Variants in AGBL3 observed in about 807,000 individuals in gnomAD.
The protein encoded by AGBL3 is AGBL carboxypeptidase 3, also known as cytosolic carboxypeptidase 3.
AGBL3 carries 68 observed loss-of-function variants against 94.5 expected under a neutral mutation model. The observed-to-expected ratio is 0.72, with a 90% CI of 0.59 to 0.88. The LOEUF is 0.88. Ranked by LOEUF, AGBL3 falls within the 40% of genes least tolerant of loss-of-function variation. The pLI is 0.00. For synonymous variants in AGBL3, 354 were observed against 370.7 expected, an observed-to-expected ratio of 0.95 and a Z score of 0.52; for missense variants, 934 against 1,103.8, an observed-to-expected ratio of 0.85 and a Z score of 2.18.
intron 15 of AGBL3, among the ~76,000 whole-genome samples, chr7:135,107,099 T>C (rs1336636216): frequency 6.6e-6 from 1 of 152,166 alleles, no homozygotes. Context: ...ATCTTCTCTC[T>C]TTTCTTCTTT....
At chr7:135,061,457 G>A (rs923535921) in intron 12 of AGBL3, among the ~76,000 whole-genome samples, 1 of 151,984 alleles carries the variant, frequency 6.6e-6, no homozygotes, top group Non-Finnish European at 1.5e-5. Context: ...CCAAAAAAAT[G>A]ATTGCCCAGA....
At chr7:134,996,328 A>C (rs1333885193) in intron 4 of AGBL3, among the ~76,000 whole-genome samples, 3 of 152,176 alleles carry the variant, frequency 2.0e-5, no homozygotes, top group African/African-American at 7.2e-5. Flanking sequence ...TCATGACATC[A>C]AGCCAGGCTG....
At chr7:135,067,965 T>A (rs1451317907) in intron 12 of AGBL3, among the ~76,000 whole-genome samples, 1 of 152,180 alleles carries the variant, frequency 6.6e-6, no homozygotes, top group Admixed American at 6.5e-5. Context: ...TTCGAACCCA[T>A]GGCAAAGAAG....
intron 8 of AGBL3, among the ~76,000 whole-genome samples, chr7:135,040,306 A>C (rs1209469283): frequency 6.6e-6 from 1 of 152,186 alleles, no homozygotes; most frequent in African/African-American, 2.4e-5. Flanking sequence ...ACACAAGACA[A>C]ACATAGTACA....
chr7:135,110,296 C>T (rs1825435482), intron 15 of AGBL3, among the ~76,000 whole-genome samples: 1 of 152,206 alleles, frequency 6.6e-6, no homozygotes, highest in Non-Finnish European at 1.5e-5. Context: ...TGCTCAGCCC[C>T]CTGGATTCAG....
chr7:135,063,509 A>C (rs1307862028), intron 12 of AGBL3, among the ~76,000 whole-genome samples: 3 of 151,418 alleles, frequency 2.0e-5, no homozygotes, highest in Non-Finnish European at 4.4e-5. Context: ...GTAGGTGTTT[A>C]TTGATATGAA....
rs146909058 is a variant in AGBL3, at chr7:135,059,309, CAA to C, written c.1908+81_1908+82del. 813 of 874,958 alleles carry C rather than the reference CAA, an allele frequency of 9.3e-4. 3 individuals are homozygous for C. In the African/African-American group the frequency reaches 0.012, roughly 13 times the overall value. The allele number at this position is 874,958 out of a possible 1,614,324, so 54.2% of individuals were successfully genotyped here. On this transcript the variant is annotated intron_variant, in intron 12 of 16. Transcript: ENST00000436302. Reference sequence around the variant, plus strand: ...GTTCTTATTGTGACTAATAATCAGGCAAAAAAAATTGCAGATATGTAATTATT... The same window carrying C: ...GTTCTTATTGTGACTAATAATCAGGCAAAAAATTGCAGATATGTAATTATT...
In AGBL3 at chr7:135,135,165, G is replaced by C. The variant is rs1350188768; in HGVS notation, c.2667G>C (p.Lys889Asn). The change falls in exon 17 of 17, where the codon AAG becomes AAC. Residue 889 changes from lysine to asparagine, a missense_variant. Physicochemically the swap from Lys to Asn is moderately conservative, Grantham distance 94. Transcript: ENST00000436302. ...QAEETNQQSS[K>N]HTALHLTKNK... The stretch of plus-strand genomic sequence containing the variant: ...AAGAAACTAACCAGCAAAGCTCTAA[G>C]CATACAGCCCTCCATCTAACTAAAA... 1 of 1,551,044 alleles carries C rather than the reference G, an allele frequency of 6.4e-7. No homozygotes were observed. The highest frequency in any genetic ancestry group is 1.4e-5 in the African/African-American group (1 of 73,114).
chr7:135,021,842 G>A (rs542103675), intron 5 of AGBL3, among the ~76,000 whole-genome samples: 16 of 151,890 alleles, frequency 1.1e-4, no homozygotes, highest in East Asian at 1.9e-4. Flanking sequence ...GAGAGGCCCC[G>A]GTATGTGTTG....
chr7:135,057,019 TA>T (rs757849611), intron 11 of AGBL3, among the ~76,000 whole-genome samples: 27 of 152,066 alleles, frequency 1.8e-4, no homozygotes, highest in Non-Finnish European at 2.9e-4. Flanking sequence ...AGTGCAGTAC[TA>T]GAGAAAGAAC....
chr7:135,060,203 C>G (rs1007565562), intron 12 of AGBL3, among the ~76,000 whole-genome samples: 4 of 152,226 alleles, frequency 2.6e-5, no homozygotes, highest in African/African-American at 9.6e-5. Context: ...CAAACTATCA[C>G]TTGAGACAGT....
At chr7:135,090,210 A>C (rs988910044) in intron 15 of AGBL3, among the ~76,000 whole-genome samples, 6 of 152,088 alleles carry the variant, frequency 3.9e-5, no homozygotes, top group Non-Finnish European at 8.8e-5. Context: ...TCAGTATATC[A>C]CAGACTCTGT....
At chr7:135,021,022 C>T (rs1390456801) in intron 5 of AGBL3, among the ~76,000 whole-genome samples, 2 of 148,246 alleles carry the variant, frequency 1.3e-5, no homozygotes, top group African/African-American at 2.5e-5. Flanking sequence ...CAAACCTGCA[C>T]GTTATGCACA....
chr7:135,019,597 C>T (rs1005793819), intron 5 of AGBL3, among the ~76,000 whole-genome samples: 12 of 152,022 alleles, frequency 7.9e-5, no homozygotes, highest in African/African-American at 2.9e-4. Flanking sequence ...AGACTATCCT[C>T]GCATTGCCAA....
rs1817131756 is a variant in AGBL3 at position 135,044,163 on chromosome 7, G to A, written c.1627+12G>A. On this transcript the variant is annotated intron_variant, in intron 9 of 16. Transcript: ENST00000436302. The stretch of plus-strand genomic sequence containing the variant: ...TGGATCTACTCTGGGTAAGACCAAG[G>A]GTTCTCATTCACAGCTCTCAAAGCT... 2.1e-5 allele frequency: 32 copies of A among 1,541,964 alleles called. No homozygotes were observed. Among genetic ancestry groups the A allele is most frequent in the Non-Finnish European group, 2.8e-5 (32 of 1,141,842 alleles).
intron 12 of AGBL3, among the ~76,000 whole-genome samples, chr7:135,066,801 C>T (rs777388583): frequency 2.9e-4 from 44 of 152,116 alleles, no homozygotes; most frequent in Non-Finnish European, 5.0e-4. Context: ...TCTACAGTTC[C>T]CAGTGTGAGC....
At chr7:135,038,158 T>A (rs1298167955) in intron 8 of AGBL3, among the ~76,000 whole-genome samples, 1 of 152,178 alleles carries the variant, frequency 6.6e-6, no homozygotes, top group Non-Finnish European at 1.5e-5. Context: ...GATGTTAACA[T>A]AGCAAAGAAA....
chr7:135,019,298 CT>C (rs911060791), intron 5 of AGBL3, among the ~76,000 whole-genome samples: 10 of 152,026 alleles, frequency 6.6e-5, no homozygotes, highest in African/African-American at 2.4e-4. Flanking sequence ...TGTGGAAATC[CT>C]TTTCATTTTC....
intron 11 of AGBL3, among the ~76,000 whole-genome samples, chr7:135,056,549 G>T (rs1818363007): frequency 6.6e-6 from 1 of 151,502 alleles, no homozygotes. Context: ...AATTATAGAA[G>T]GATTTAAAGA....
Sources: gnomAD v4.1 joint callset for allele counts (sites outside exome capture counted in the v4.1 genomes callset) on GRCh38, gnomAD v4.1.1 for gene constraint, MANE v1.5 for transcripts, NCBI Gene and HGNC (gene_info 2026-07-23, HGNC 2026-07-21) for gene names.